The following RASGRF1 variants were observed in gnomAD, a reference collection of about 807,000 sequenced individuals.
RASGRF1 encodes the protein ras-specific guanine nucleotide-releasing factor 1.
In RASGRF1, 40 loss-of-function variants were observed where a neutral mutation model predicts 138.7. That is an observed-to-expected ratio of 0.29 (90% CI 0.22 to 0.38). The LOEUF is 0.38. Among genes scored for constraint, RASGRF1 ranks in the 10% least tolerant of loss-of-function variants. The pLI is 1.00. For synonymous variants in RASGRF1, 614 were observed against 663.2 expected, an observed-to-expected ratio of 0.93 and a Z score of 1.14; for missense variants, 1,108 against 1,650.4, an observed-to-expected ratio of 0.67 and a Z score of 5.69.
At chr15:79,017,643 G>A (rs774019366) in intron 12 of RASGRF1, 127 bp downstream of exon 12, 26 of 1,216,338 alleles carry the variant, frequency 2.1e-5, no homozygotes, top group Non-Finnish European at 2.9e-5. Flanking sequence ...GAAGATTCTT[G>A]CATCTTTCTC....
In RASGRF1 at chr15:78,995,085, G is replaced by A. The variant is rs143912092; in HGVS notation, c.3027+655C>T. Among the ~76,000 whole-genome samples the A allele has an allele frequency of 6.0e-3, 906 of 151,960 alleles. 7 individuals are homozygous for A. The highest frequency in any genetic ancestry group is 0.021 in the African/African-American group (859 of 41,454). ...TGGGATCACAGGCATGCGCCACCAT[G>A]CCCGGGTAATTTTTTGTATTTTTGG... On this transcript the variant is annotated intron_variant, in intron 20 of 26. Coordinates refer to ENST00000558480, the MANE Select transcript of RASGRF1 (RefSeq NM_001145648.3).
chr15:79,013,771 C>T (rs900775352), intron 13 of RASGRF1, among the ~76,000 whole-genome samples: 1 of 152,106 alleles, frequency 6.6e-6, no homozygotes, highest in Non-Finnish European at 1.5e-5. Flanking sequence ...GAGAATTGTG[C>T]CTGGTGCAGG....
chr15:78,970,448 C>G (rs1449260413), intron 26 of RASGRF1, among the ~76,000 whole-genome samples: 4 of 151,612 alleles, frequency 2.6e-5, no homozygotes, highest in Non-Finnish European at 5.9e-5. Flanking sequence ...GCAAACTAGT[C>G]CAATTACATA....
At chr15:79,018,515 A>AG (rs1264495917) in intron 11 of RASGRF1, among the ~76,000 whole-genome samples, 1 of 152,232 alleles carries the variant, frequency 6.6e-6, no homozygotes, top group African/African-American at 2.4e-5. Flanking sequence ...CACATTAATT[A>AG]GGGGTGCACT....
chr15:78,967,750 A>G (rs989360609), intron 26 of RASGRF1, among the ~76,000 whole-genome samples: 11 of 152,182 alleles, frequency 7.2e-5, no homozygotes, highest in African/African-American at 2.7e-4. Context: ...TTTAAAAAAT[A>G]TAAAAACTAT....
chr15:79,073,272 T>G lies in RASGRF1; in HGVS notation c.277-8746A>C, dbSNP rs578241044. ...GACTGCCCAGATCCCAGAAGGGGAGTCATGATGCCTGATAAGCCCATGGCT... is the reference window on the plus strand; with the variant it reads ...GACTGCCCAGATCCCAGAAGGGGAGGCATGATGCCTGATAAGCCCATGGCT... On this transcript the variant is annotated intron_variant, in intron 1 of 26. Transcript: ENST00000558480. This position sits in a 1 kb window ranked among gnomAD's most constrained non-coding sequence, Gnocchi z 4.2. Among the ~76,000 whole-genome samples the G allele has an allele frequency of 5.3e-4, 81 of 151,578 alleles. No homozygotes were observed. The highest frequency in any genetic ancestry group is 1.6e-3 in the African/African-American group (68 of 41,278).
chr15:79,034,738 T>C (rs1356932982), intron 6 of RASGRF1, among the ~76,000 whole-genome samples: 2 of 151,580 alleles, frequency 1.3e-5, no homozygotes, highest in Non-Finnish European at 2.9e-5. Context: ...TTTGCAATTA[T>C]GTAAAGTGGA....
At chr15:79,082,973 C>A (rs796313355) in intron 1 of RASGRF1, among the ~76,000 whole-genome samples, 20 of 152,270 alleles carry the variant, frequency 1.3e-4, no homozygotes, top group African/African-American at 4.8e-4. Context: ...CTGATAACAC[C>A]TATTGCGCTG....
In RASGRF1 at chr15:78,998,800, T is replaced by A; in HGVS notation, c.2772A>T (p.Gly924=). 1.2e-6 allele frequency: 2 copies of A among 1,614,044 alleles called. No homozygotes were observed. Among genetic ancestry groups the A allele is most frequent in the Non-Finnish European group, 1.7e-6 (2 of 1,179,954 alleles). The change falls in exon 18 of 27, where the codon GGA becomes GGT. Residue 924 remains glycine, a synonymous_variant. Transcript: ENST00000558480. ...CTCTGCGGATCACAAACTCCTTGTC[T>A]CCATTCCTCTGGTCTGGGGGAAACC... The part of the protein sequence containing the change: ...SAGFPPDQRN[G]DKEFVIRRAA...
chr15:78,991,194 G>A (rs1044139719), intron 21 of RASGRF1, among the ~76,000 whole-genome samples: 1 of 152,242 alleles, frequency 6.6e-6, no homozygotes, highest in Non-Finnish European at 1.5e-5. Context: ...TTTTGGCATA[G>A]CATCAGATGA....
At chr15:79,035,619 G>A (rs1023528659) in intron 5 of RASGRF1, among the ~76,000 whole-genome samples, 18 of 152,332 alleles carry the variant, frequency 1.2e-4, no homozygotes, top group African/African-American at 4.1e-4. Flanking sequence ...TGGCAAACAC[G>A]AGTAAAAGCC....
intron 20 of RASGRF1, among the ~76,000 whole-genome samples, chr15:78,992,080 G>A (rs576864701): frequency 6.6e-6 from 1 of 152,364 alleles, no homozygotes; most frequent in African/African-American, 2.4e-5. Context: ...ACGTGCATGA[G>A]ACAATGGAGG....
rs765173752 is a variant in RASGRF1, at chr15:79,047,017, T to C, written c.625-18A>G. On this transcript the variant is annotated intron_variant, in intron 4 of 26. Coordinates refer to ENST00000558480, the MANE Select transcript of RASGRF1 (RefSeq NM_001145648.3). ...CTCTGCACCTGAGCAGCAAGACCGG[T>C]GGGGAGAGGCTCCTGTCAGGGAGTC... 6 of 1,602,954 alleles carry C rather than the reference T, an allele frequency of 3.7e-6. No homozygotes were observed. The African/African-American group carries it at 8.0e-5, about 21-fold the overall frequency.
chr15:79,090,235 C>T lies in RASGRF1; in HGVS notation c.264G>A (p.Pro88=), dbSNP rs1335518170. 5 of 1,605,422 alleles carry T rather than the reference C, an allele frequency of 3.1e-6. No homozygotes were observed. The highest frequency in any genetic ancestry group is 1.1e-5 in the South Asian group (1 of 90,746). The change falls in exon 1 of 27, where the codon CCG becomes CCA. Residue 88 remains proline (P), a synonymous_variant. Coordinates refer to ENST00000558480, the MANE Select transcript of RASGRF1 (RefSeq NM_001145648.3). ...ACGCTCGCCTCACCTGTTTCTCCAG[C>T]GGCTCCTTGGCCGACAGCGCCGGCT... ...SPKPALSAKE[P]LEKQHYFTVN... is the part of the protein sequence containing the mutation.
rs1006593065 is a variant in RASGRF1 at position 79,073,165 on chromosome 15, G to C, written c.277-8639C>G. Among the ~76,000 whole-genome samples the C allele has an allele frequency of 1.3e-5, 2 of 151,970 alleles. No individual in the cohort carries two copies. Among genetic ancestry groups the C allele is most frequent in the African/African-American group, 4.8e-5 (2 of 41,350 alleles). ...TAGGATACATTCAGATACAGGACCC[G>C]AGTCCAAGTTTCAATAACAAATCTT... On this transcript the variant is annotated intron_variant, in intron 1 of 26. Coordinates refer to ENST00000558480, the MANE Select transcript of RASGRF1 (RefSeq NM_001145648.3). The surrounding 1 kb of genome is among the most constrained non-coding windows in gnomAD (Gnocchi z 4.2).
chr15:78,971,793 G>A (rs369594721), intron 26 of RASGRF1, 73 bp downstream of exon 26: 52 of 1,357,458 alleles, frequency 3.8e-5, no homozygotes, highest in Non-Finnish European at 5.0e-5. Context: ...GGTATGGAGG[G>A]GACAGGGTGG....
chr15:79,047,912 G>A (rs1467209310), intron 4 of RASGRF1, among the ~76,000 whole-genome samples: 2 of 152,154 alleles, frequency 1.3e-5, no homozygotes, highest in Non-Finnish European at 2.9e-5. Flanking sequence ...GTTGTCCAGG[G>A]GCAGACCTGC....
intron 1 of RASGRF1, among the ~76,000 whole-genome samples, chr15:79,086,528 C>T (rs2057982035): frequency 6.6e-6 from 1 of 151,442 alleles, no homozygotes; most frequent in South Asian, 2.1e-4. Context: ...GGGGCTTTGT[C>T]TTGTCTCTAG....
intron 2 of RASGRF1, among the ~76,000 whole-genome samples, chr15:79,063,110 T>C (rs2057630463): frequency 6.6e-6 from 1 of 152,172 alleles, no homozygotes; most frequent in Non-Finnish European, 1.5e-5. Context: ...TCTCATGTTG[T>C]TTTGTATTTA....
Sources: allele counts gnomAD v4.1 joint callset (sites outside exome capture counted in the v4.1 genomes callset), GRCh38; gene constraint gnomAD v4.1.1; non-coding constraint Gnocchi (gnomAD v3.1); transcripts MANE v1.5; gene names NCBI Gene and HGNC (gene_info 2026-07-23, HGNC 2026-07-21).